The following NRG1 variants were observed in gnomAD, a reference collection of about 807,000 sequenced individuals.
NRG1 encodes neuregulin 1.
A neutral mutation model predicts 63.8 loss-of-function variants in NRG1; 18 were observed. The observed-to-expected ratio is 0.28, with a 90% CI of 0.19 to 0.42. NRG1 has a LOEUF of 0.42. NRG1 is among the 10% of genes least tolerant of loss of function. The probability of loss-of-function intolerance (pLI) is 1.00; values close to 1 mark genes in which losing one functional copy is unlikely to be tolerated. For missense variants in NRG1, 762 were observed against 814.7 expected (o/e 0.94, Z 0.79); for synonymous variants, 302 against 301.3 (o/e 1.00, Z -0.02).
intron 1 of NRG1, among the ~76,000 whole-genome samples, chr8:32,419,502 C>G (rs13248971): frequency 1.3e-5 from 2 of 152,020 alleles, no homozygotes; most frequent in Non-Finnish European, 2.9e-5. Context: ...TAGAACTAGA[C>G]CCCAATCAAT....
At chr8:31,644,252 T>C (rs2130845798) in intron 1 of NRG1, among the ~76,000 whole-genome samples, 1 of 152,352 alleles carries the variant, frequency 6.6e-6, no homozygotes, top group Non-Finnish European at 1.5e-5. Flanking sequence ...TTGTGACTGC[T>C]CTTTTTAAAC....
intron 1 of NRG1, among the ~76,000 whole-genome samples, chr8:31,715,878 A>T (rs1300252287): frequency 6.6e-6 from 1 of 152,252 alleles, no homozygotes; most frequent in African/African-American, 2.4e-5. Context: ...GTTTTACCTG[A>T]CATATGAATT....
intron 1 of NRG1, among the ~76,000 whole-genome samples, chr8:32,292,997 A>G (rs900598474): frequency 2.0e-5 from 3 of 152,218 alleles, no homozygotes; most frequent in Non-Finnish European, 4.4e-5. Flanking sequence ...CCAGCTACTC[A>G]GGAGGCTGAG....
chr8:31,640,872 G>T lies in NRG1; in HGVS notation c.37+1441G>T. On this transcript the variant is annotated intron_variant, in intron 1 of 10. Coordinates refer to the NRG1 transcript ENST00000519301. The surrounding 1 kb of genome is among the most constrained non-coding windows in gnomAD (Gnocchi z 6.3). ...TTGGTTTCAGGGTGGTGGGTTCTCA[G>T]CGATCCTCAGAGAGGGAGGTTTCGC... 1 of 1,377,320 alleles carries T rather than the reference G, an allele frequency of 7.3e-7. No individual in the cohort carries two copies. 85.3% of individuals were successfully genotyped at this position (1,377,320 alleles called of 1,614,324 possible). A position where few individuals can be genotyped will look rare whatever the true frequency, so the allele number is the denominator to read the frequency against.
intron 1 of NRG1, among the ~76,000 whole-genome samples, chr8:32,496,517 G>T (rs1271274748): frequency 6.6e-6 from 1 of 152,114 alleles, no homozygotes; most frequent in African/African-American, 2.4e-5. Flanking sequence ...TTAAGCCCAG[G>T]ATGTCAAGAT....
chr8:31,650,845 T>C (rs998850738), intron 1 of NRG1, among the ~76,000 whole-genome samples: 2 of 152,226 alleles, frequency 1.3e-5, no homozygotes, highest in Non-Finnish European at 2.9e-5. Context: ...GTCAGAAGAA[T>C]CCTTTCCACT....
chr8:31,768,340 A>G (rs761116205), intron 1 of NRG1, among the ~76,000 whole-genome samples: 7 of 152,202 alleles, frequency 4.6e-5, no homozygotes, highest in Non-Finnish European at 7.4e-5. Context: ...CCTGCAGTTT[A>G]CACAACAGTT....
intron 1 of NRG1, among the ~76,000 whole-genome samples, chr8:32,385,552 G>A (rs748288926): frequency 3.9e-5 from 6 of 152,104 alleles, no homozygotes; most frequent in Admixed American, 6.6e-5. Flanking sequence ...TTACAATCAT[G>A]GCGGAAGGCA....
At chr8:32,575,549 C>A (rs1332357747) in intron 1 of NRG1, among the ~76,000 whole-genome samples, 2 of 152,026 alleles carry the variant, frequency 1.3e-5, no homozygotes, top group African/African-American at 4.8e-5. Context: ...GATATTTATA[C>A]TTTTTAAGAC....
At chr8:31,675,898 G>A (rs1277211764) in intron 1 of NRG1, among the ~76,000 whole-genome samples, 1 of 152,026 alleles carries the variant, frequency 6.6e-6, no homozygotes, top group Non-Finnish European at 1.5e-5. Flanking sequence ...ACCAAATTTT[G>A]TGCCTTTTCT....
At chr8:32,321,959 T>C (rs1172498265) in intron 1 of NRG1, among the ~76,000 whole-genome samples, 1 of 152,048 alleles carries the variant, frequency 6.6e-6, no homozygotes, top group African/African-American at 2.4e-5. Flanking sequence ...TGCCCAAAGG[T>C]CTTCATTTAG....
At chr8:32,013,913 A>G (rs1815118992) in intron 1 of NRG1, among the ~76,000 whole-genome samples, 1 of 152,164 alleles carries the variant, frequency 6.6e-6, no homozygotes, top group South Asian at 2.1e-4. Flanking sequence ...TTGTACATAA[A>G]AGGAAAAAAG....
chr8:32,633,922 G>A (rs10094348), intron 5 of NRG1, among the ~76,000 whole-genome samples: 49,606 of 151,402 alleles, frequency 0.33, 8,679 homozygotes, highest in Non-Finnish European at 0.38. Context: ...CAGGAGGATC[G>A]CTTGAGGCCA....
intron 1 of NRG1, among the ~76,000 whole-genome samples, chr8:31,771,577 A>C (rs751717994): frequency 3.9e-5 from 6 of 152,194 alleles, no homozygotes; most frequent in Non-Finnish European, 8.8e-5. Context: ...TTTTAGCTGA[A>C]TAAAATATGA....
At chr8:32,597,199 C>T (rs771083236) in intron 2 of NRG1, among the ~76,000 whole-genome samples, 1 of 152,126 alleles carries the variant, frequency 6.6e-6, no homozygotes, top group Non-Finnish European at 1.5e-5. Context: ...TTCCAGTGAA[C>T]CCCCAAGTAT....
chr8:32,560,921 G>T (rs558593161), intron 1 of NRG1, among the ~76,000 whole-genome samples: 1 of 152,302 alleles, frequency 6.6e-6, no homozygotes, highest in East Asian at 1.9e-4. Context: ...AACGACCGCT[G>T]TTCCTGGTAG....
At chr8:32,603,325 T>C (rs1844686264) in intron 2 of NRG1, among the ~76,000 whole-genome samples, 1 of 152,146 alleles carries the variant, frequency 6.6e-6, no homozygotes, top group South Asian at 2.1e-4. Context: ...CAACAGCATA[T>C]TCAAGATGCT....
intron 1 of NRG1, among the ~76,000 whole-genome samples, chr8:31,680,476 A>T (rs1405780697): frequency 4.6e-5 from 7 of 151,708 alleles, no homozygotes; most frequent in African/African-American, 1.2e-4. Context: ...TGAACTCATC[A>T]TTTTTATGGC....
chr8:31,853,883 T>A (rs1367220183), intron 1 of NRG1, among the ~76,000 whole-genome samples: 1 of 152,168 alleles, frequency 6.6e-6, no homozygotes, highest in East Asian at 1.9e-4. Context: ...GTGGTATTTG[T>A]CTTTGGCTCT....
Sources: gnomAD v4.1 joint callset for allele counts (sites outside exome capture counted in the v4.1 genomes callset) on GRCh38, gnomAD v4.1.1 for gene constraint, Gnocchi (gnomAD v3.1) non-coding constraint, MANE v1.5 for transcripts, NCBI Gene and HGNC (gene_info 2026-07-23, HGNC 2026-07-21) for gene names.